Variants in OTUD7A observed in about 807,000 individuals in gnomAD.
OTUD7A encodes OTU domain-containing protein 7A.
In OTUD7A, 12 loss-of-function variants were observed where a neutral mutation model predicts 65.7. The ratio of observed to expected loss-of-function variants is 0.18; its 90% CI spans 0.12 to 0.30. OTUD7A has a LOEUF of 0.30. Ranked by LOEUF, OTUD7A falls within the 10% of genes least tolerant of loss-of-function variation. The pLI, the probability that OTUD7A is intolerant of heterozygous loss-of-function variation, is 1.00. For missense variants in OTUD7A, 1,148 were observed against 1,304.8 expected (o/e 0.88, Z 1.85); for synonymous variants, 641 against 586.3 (o/e 1.09, Z -1.35).
At chr15:31,728,007 A>G (rs936384713) in intron 1 of OTUD7A, among the ~76,000 whole-genome samples, 3 of 152,198 alleles carry the variant, frequency 2.0e-5, no homozygotes, top group Admixed American at 6.5e-5. Flanking sequence ...TTCCAGGTTT[A>G]TATTTCAAGC....
At chr15:31,629,210 T>C (rs1280759307) in intron 3 of OTUD7A, among the ~76,000 whole-genome samples, 1 of 152,218 alleles carries the variant, frequency 6.6e-6, no homozygotes, top group East Asian at 1.9e-4. Flanking sequence ...GCCCATTCAG[T>C]ATGATATTGG....
chr15:31,806,325 T>C (rs1011938768), intron 1 of OTUD7A, among the ~76,000 whole-genome samples: 2 of 152,188 alleles, frequency 1.3e-5, no homozygotes, highest in African/African-American at 2.4e-5. Context: ...AGAAGTACAT[T>C]TGCACTAATG....
intron 1 of OTUD7A, among the ~76,000 whole-genome samples, chr15:31,808,112 C>CACACAT (rs1555420106): frequency 3.8e-5 from 4 of 105,820 alleles, no homozygotes; most frequent in Admixed American, 3.3e-4. Flanking sequence ...CACACACACA[C>CACACAT]ACACACACAC....
At chr15:31,794,835 G>A (rs1595773964) in intron 1 of OTUD7A, among the ~76,000 whole-genome samples, 1 of 151,924 alleles carries the variant, frequency 6.6e-6, no homozygotes, top group African/African-American at 2.4e-5. Context: ...GTTTCTCCTG[G>A]GGTTTACAAT....
chr15:31,799,396 C>T (rs1896059849), intron 1 of OTUD7A, among the ~76,000 whole-genome samples: 1 of 152,152 alleles, frequency 6.6e-6, no homozygotes, highest in Non-Finnish European at 1.5e-5. Context: ...CTGTCCACCC[C>T]ATATCCCTGT....
chr15:31,697,861 G>A (rs1462222795), intron 1 of OTUD7A, among the ~76,000 whole-genome samples: 1 of 152,180 alleles, frequency 6.6e-6, no homozygotes, highest in African/African-American at 2.4e-5. Context: ...GTGCTGAGAT[G>A]TGAACAATGC....
At chr15:31,832,446 T>A (rs1896957198) in intron 1 of OTUD7A, among the ~76,000 whole-genome samples, 1 of 152,102 alleles carries the variant, frequency 6.6e-6, no homozygotes, top group Non-Finnish European at 1.5e-5. Flanking sequence ...TAAAAAAAAA[T>A]AGTGGTATAT....
intron 4 of OTUD7A, among the ~76,000 whole-genome samples, chr15:31,559,960 T>C (rs1350438857): frequency 6.6e-6 from 1 of 152,222 alleles, no homozygotes; most frequent in African/African-American, 2.4e-5. Flanking sequence ...ATGTGGCACT[T>C]ATTCACAAGA....
chr15:31,809,902 T>TA (rs1896376686), intron 1 of OTUD7A, among the ~76,000 whole-genome samples: 3 of 152,244 alleles, frequency 2.0e-5, no homozygotes, highest in Admixed American at 1.3e-4. Context: ...AACTATTTCT[T>TA]AGTCCGTTAA....
chr15:31,547,735 C>T (rs1400015042), intron 5 of OTUD7A, among the ~76,000 whole-genome samples: 1 of 151,946 alleles, frequency 6.6e-6, no homozygotes, highest in Non-Finnish European at 1.5e-5. Context: ...AATAGAGGCC[C>T]CAGTTCAGAC....
chr15:31,859,700 G>A (rs906082346), intron 1 of OTUD7A, among the ~76,000 whole-genome samples: 1 of 152,162 alleles, frequency 6.6e-6, no homozygotes, highest in African/African-American at 2.4e-5. Flanking sequence ...ATCAATAGGG[G>A]CTTTTATAAA....
At chr15:31,617,112 A>G (rs569594933) in intron 3 of OTUD7A, among the ~76,000 whole-genome samples, 42 of 152,360 alleles carry the variant, frequency 2.8e-4, no homozygotes, top group African/African-American at 7.9e-4. Context: ...TATGAGGATA[A>G]CATCAGATTT....
chr15:31,543,328 G>T (rs969663019), intron 5 of OTUD7A, among the ~76,000 whole-genome samples: 2 of 151,848 alleles, frequency 1.3e-5, no homozygotes, highest in African/African-American at 4.8e-5. Context: ...TTTTTAAAAA[G>T]ACATGATTAA....
intron 1 of OTUD7A, among the ~76,000 whole-genome samples, chr15:31,794,713 C>T (rs1261724091): frequency 1.3e-5 from 2 of 152,116 alleles, no homozygotes; most frequent in African/African-American, 2.4e-5. Context: ...CACCTCGCCC[C>T]CCAGCCCACC....
Position 31,785,243 on chromosome 15 carries a change from G to A in OTUD7A, c.-100+85264C>T, listed in dbSNP as rs59196255. On this transcript the variant is annotated intron_variant, in intron 1 of 12. Coordinates refer to ENST00000307050, the MANE Select transcript of OTUD7A (RefSeq NM_001382637.1). ...CTAAACCCTGTAACTACACACTGAC[G>A]CATGTAAACCCTGTAAGTATGCATT... Among the ~76,000 whole-genome samples the A allele has an allele frequency of 6.9e-3, 1,051 of 152,232 alleles. 15 individuals carry two copies. Among genetic ancestry groups the A allele is most frequent in the African/African-American group, 0.024 (994 of 41,526 alleles).
chr15:31,651,295 C>G (rs886249632), intron 3 of OTUD7A, among the ~76,000 whole-genome samples: 1 of 147,262 alleles, frequency 6.8e-6, no homozygotes, highest in Non-Finnish European at 1.5e-5. Flanking sequence ...ATAAAACGCT[C>G]AGCAAACTTG....
intron 1 of OTUD7A, among the ~76,000 whole-genome samples, chr15:31,832,608 AC>A (rs1402018394): frequency 4.6e-5 from 7 of 151,584 alleles, no homozygotes; most frequent in Non-Finnish European, 8.8e-5. Context: ...GCTCCACATT[AC>A]CCCCCTCATC....
At chr15:31,803,640 A>G (rs1896191529) in intron 1 of OTUD7A, among the ~76,000 whole-genome samples, 1 of 152,236 alleles carries the variant, frequency 6.6e-6, no homozygotes, top group Non-Finnish European at 1.5e-5. Context: ...CTAAAGTCAC[A>G]GTCTTTTCAT....
At chr15:31,555,731 T>C (rs946416976) in intron 5 of OTUD7A, among the ~76,000 whole-genome samples, 2 of 152,092 alleles carry the variant, frequency 1.3e-5, no homozygotes, top group African/African-American at 4.8e-5. Context: ...GGAAAGGAGT[T>C]CGGAGGAGTC....
Sources: allele counts gnomAD v4.1 joint callset (sites outside exome capture counted in the v4.1 genomes callset), GRCh38; gene constraint gnomAD v4.1.1; transcripts MANE v1.5; gene names NCBI Gene and HGNC (gene_info 2026-07-23, HGNC 2026-07-21).